ANGPTL1: variants seen among roughly 807,000 people sequenced by gnomAD.
The protein encoded by ANGPTL1 is angiopoietin like 1.
ANGPTL1 carries 36 observed loss-of-function variants against 46.7 expected under a neutral mutation model. The ratio of observed to expected loss-of-function variants is 0.77; its 90% CI spans 0.59 to 1.02. ANGPTL1 has a LOEUF of 1.02. Among genes scored for constraint, ANGPTL1 ranks in the 50% least tolerant of loss-of-function variants. The pLI is 0.00. For missense variants in ANGPTL1, 571 were observed against 594.7 expected (o/e 0.96, Z 0.41); for synonymous variants, 221 against 204.3 (o/e 1.08, Z -0.69).
chr1:178,855,795 A>G (rs1657494781), intron 3 of ANGPTL1, among the ~76,000 whole-genome samples: 1 of 151,700 alleles, frequency 6.6e-6, no homozygotes, highest in East Asian at 1.9e-4. Context: ...GATTTTTTCA[A>G]AGGCTTTTAA....
chr1:178,853,789 T>C lies in ANGPTL1; in HGVS notation c.824-2A>G. The stretch of plus-strand genomic sequence containing the variant: ...CTTGCTGACAGTCTTTGAATGGTCC[T>C]ATAATTTAAATATCATTTATTATCA... On this transcript the variant is annotated splice_acceptor_variant, in intron 3 of 5. Coordinates refer to ENST00000234816, the MANE Select transcript of ANGPTL1 (RefSeq NM_004673.4). LOFTEE classifies it high-confidence loss of function. The C allele has an allele frequency of 6.4e-7, 1 of 1,559,818 alleles. No homozygotes were observed. Among genetic ancestry groups the C allele is most frequent in the Non-Finnish European group, 8.6e-7 (1 of 1,157,854 alleles).
In ANGPTL1 at chr1:178,869,126, G is replaced by C. The variant is rs979928633; in HGVS notation, c.-39C>G. ...ATAGAATACTTACGTTTAAATTTAA[G>C]TCTTTACTTAGTTGTTTTTAGAAGA... On this transcript the variant is annotated 5_prime_UTR_variant, in exon 2 of 6. Transcript: ENST00000234816. The C allele has an allele frequency of 2.6e-5, 4 of 151,938 alleles. No homozygotes were observed. The highest frequency in any genetic ancestry group is 9.7e-5 in the African/African-American group (4 of 41,408). The allele number at this position is 151,938 out of a possible 1,614,324, so 9.4% of individuals were successfully genotyped here.
intron 4 of ANGPTL1, chr1:178,853,278 GTTCCTGGTCTCTCTCATA>G (rs1657302649): frequency 1.2e-5 from 11 of 923,684 alleles, no homozygotes; most frequent in Non-Finnish European, 1.4e-5. Context: ...CTTAAAAAGG[GTTCCTGGTCTCTCTCATA>G]TTCATCTAAA....
chr1:178,861,410 T>C (rs991150456), intron 3 of ANGPTL1, among the ~76,000 whole-genome samples: 1 of 151,840 alleles, frequency 6.6e-6, no homozygotes, highest in Non-Finnish European at 1.5e-5. Flanking sequence ...TTTGACATAC[T>C]AAATCCCTAA....
At chr1:178,860,796 A>G (rs1657951244) in intron 3 of ANGPTL1, among the ~76,000 whole-genome samples, 1 of 152,178 alleles carries the variant, frequency 6.6e-6, no homozygotes, top group African/African-American at 2.4e-5. Flanking sequence ...ACCTCCATGT[A>G]AAGTACAGTA....
intron 3 of ANGPTL1, among the ~76,000 whole-genome samples, chr1:178,861,140 G>C (rs1157388431): frequency 2.0e-5 from 3 of 151,942 alleles, no homozygotes; most frequent in African/African-American, 7.3e-5. Flanking sequence ...AGAACCAGGT[G>C]TTCTTAATTC....
intron 3 of ANGPTL1, among the ~76,000 whole-genome samples, chr1:178,863,418 T>C (rs1245365126): frequency 6.6e-6 from 1 of 152,222 alleles, no homozygotes; most frequent in Non-Finnish European, 1.5e-5. Flanking sequence ...TAATATCATA[T>C]AGAAAACATG....
intron 2 of ANGPTL1, among the ~76,000 whole-genome samples, chr1:178,866,390 T>C (rs1658413376): frequency 6.6e-6 from 1 of 152,202 alleles, no homozygotes; most frequent in Non-Finnish European, 1.5e-5. Flanking sequence ...CAGATAGTTT[T>C]AGCATCACAT....
intron 3 of ANGPTL1, among the ~76,000 whole-genome samples, chr1:178,859,695 CTTTTTTT>C (rs1190050936): frequency 9.2e-6 from 1 of 108,250 alleles, no homozygotes; most frequent in Non-Finnish European, 1.9e-5. Flanking sequence ...ACACGAAGCA[CTTTTTTT>C]TTTTTTTTTT....
chr1:178,870,533 A>G (rs1197082475), intron 1 of ANGPTL1, among the ~76,000 whole-genome samples: 2 of 152,204 alleles, frequency 1.3e-5, no homozygotes, highest in East Asian at 3.8e-4. Context: ...ACATCATTAA[A>G]TTGAACCTCA....
At chr1:178,853,482 A>G in intron 4 of ANGPTL1, 112 bp downstream of exon 4, 3 of 941,178 alleles carry the variant, frequency 3.2e-6, no homozygotes, top group African/African-American at 1.7e-5. Context: ...GAAAAAACAT[A>G]TGGATAGTTA....
At chr1:178,860,511 T>C (rs901519149) in intron 3 of ANGPTL1, among the ~76,000 whole-genome samples, 8 of 152,180 alleles carry the variant, frequency 5.3e-5, no homozygotes, top group African/African-American at 1.9e-4. Flanking sequence ...AGAACATTTA[T>C]ATTGTACAGC....
chr1:178,852,662 A>G (rs1558149934), intron 5 of ANGPTL1, 21 bp downstream of exon 5: 4 of 1,598,376 alleles, frequency 2.5e-6, no homozygotes, highest in Non-Finnish European at 2.6e-6. Context: ...TCTACAAAGA[A>G]TGAAAGTTTT....
In ANGPTL1 at chr1:178,856,394, A is replaced by ATTTTTTTTTTTT. The variant is rs71108081; in HGVS notation, c.824-2619_824-2608dup. On this transcript the variant is annotated intron_variant, in intron 3 of 5. Transcript: ENST00000234816. ...AGGCAAGTGCCACCCTGCCTGGCTA[A>ATTTTTTTTTTTT]TTTTTTTTTTTTTTTTTTTTTTTTT... is the stretch of plus-strand genomic sequence containing the variant. Among the ~76,000 whole-genome samples the ATTTTTTTTTTTT allele has an allele frequency of 7.1e-3, 260 of 36,432 alleles. 43 individuals carry two copies. Among genetic ancestry groups the ATTTTTTTTTTTT allele is most frequent in the African/African-American group, 8.7e-3 (60 of 6,864 alleles). 23.9% of individuals were successfully genotyped at this position (36,432 alleles called of 152,430 possible).
intron 3 of ANGPTL1, among the ~76,000 whole-genome samples, chr1:178,861,840 T>C (rs1039784617): frequency 6.6e-6 from 1 of 152,180 alleles, no homozygotes; most frequent in African/African-American, 2.4e-5. Flanking sequence ...GCATTTTCCT[T>C]TGGAAATCAA....
chr1:178,852,674 C>T lies in ANGPTL1; in HGVS notation c.1288+9G>A. ...GATTCTACAAAGAATGAAAGTTTTT[C>T]ATACTTACCTGCATACATATCTTTA... is the stretch of plus-strand genomic sequence containing the variant. On this transcript the variant is annotated intron_variant, in intron 5 of 5. Coordinates refer to ENST00000234816, the MANE Select transcript of ANGPTL1 (RefSeq NM_004673.4). 2 of 1,600,234 alleles carry T rather than the reference C, an allele frequency of 1.2e-6. No homozygotes were observed. The highest frequency in any genetic ancestry group is 1.7e-6 in the Non-Finnish European group (2 of 1,173,288).
At chr1:178,853,344 AGT>A (rs1162048998) in intron 4 of ANGPTL1, among the ~76,000 whole-genome samples, 2 of 152,154 alleles carry the variant, frequency 1.3e-5, no homozygotes, top group African/African-American at 4.8e-5. Context: ...ATCTTTGTAA[AGT>A]AGTAAGTATA....
intron 3 of ANGPTL1, among the ~76,000 whole-genome samples, chr1:178,862,560 G>A (rs187463437): frequency 8.4e-4 from 128 of 152,142 alleles, no homozygotes; most frequent in Middle Eastern, 6.8e-3. Flanking sequence ...ACCTGTAGGC[G>A]TCAACAAGGG....
rs1308025496 is a variant in ANGPTL1 at position 178,870,899 on chromosome 1, T to C, written c.-295A>G. 6.6e-6 allele frequency: 1 copy of C among 152,154 alleles called. No homozygotes were observed. The highest frequency in any genetic ancestry group is 1.5e-5 in the Non-Finnish European group (1 of 68,024). 9.4% of individuals were successfully genotyped at this position (152,154 alleles called of 1,614,324 possible). The stretch of plus-strand genomic sequence containing the variant: ...GCTGTAAGAAGGAACTTCTTTTTCC[T>C]TTTACAATACTAATCAATTGAATTT... On this transcript the variant is annotated 5_prime_UTR_variant, in exon 1 of 6. Coordinates refer to ENST00000234816, the MANE Select transcript of ANGPTL1 (RefSeq NM_004673.4).
Sources: allele counts gnomAD v4.1 joint callset (sites outside exome capture counted in the v4.1 genomes callset), GRCh38; gene constraint gnomAD v4.1.1; transcripts MANE v1.5; gene names NCBI Gene and HGNC (gene_info 2026-07-23, HGNC 2026-07-21).